Variants in PSME2 observed in about 807,000 individuals in gnomAD.
PSME2 encodes the protein proteasome activator subunit 2.
In PSME2, 20 loss-of-function variants were observed where a neutral mutation model predicts 38.8. That is an observed-to-expected ratio of 0.52 (90% CI 0.36 to 0.75). PSME2 has a LOEUF of 0.75. PSME2 is among the 30% of genes least tolerant of loss of function. The pLI is 0.00. For synonymous variants in PSME2, 82 were observed against 102.5 expected (o/e 0.80, Z 1.21); for missense variants, 227 against 287.6 (o/e 0.79, Z 1.52).
In PSME2 at chr14:24,143,896, A is replaced by G; in HGVS notation, c.552+79T>C. The G allele has an allele frequency of 6.5e-7, 1 of 1,533,432 alleles. No individual in the cohort carries two copies. Among genetic ancestry groups the G allele is most frequent in the Non-Finnish European group, 9.0e-7 (1 of 1,110,914 alleles). 95.0% of individuals were successfully genotyped at this position (1,533,432 alleles called of 1,614,324 possible). A position where few individuals can be genotyped will look rare whatever the true frequency, so the allele number is the denominator to read the frequency against. ...ATATTCTCCACATTGGGAAAGTCAC[A>G]AACAAGACAAGGAGGACTTCTTCCT... On this transcript the variant is annotated intron_variant, in intron 9 of 10. Transcript: ENST00000216802. This position sits in a 1 kb window ranked among gnomAD's most constrained non-coding sequence, Gnocchi z 4.4.
chr14:24,145,950 C>T (rs976980614), intron 2 of PSME2, 178 bp from the exon 3 acceptor site: 6 of 824,628 alleles, frequency 7.3e-6, no homozygotes, highest in Non-Finnish European at 1.2e-5. Flanking sequence ...AAGGTTAGGA[C>T]TGTGATATTC....
Position 24,146,523 on chromosome 14 carries a change from T to G in PSME2, c.48+11A>C, listed in dbSNP as rs1419195004. ...TCTATGACCCCTTCCTGGCCTCCGATTCCCCATTACCTGTTTGCGGGCTTC... is the reference window on the plus strand; with the variant it reads ...TCTATGACCCCTTCCTGGCCTCCGAGTCCCCATTACCTGTTTGCGGGCTTC... On this transcript the variant is annotated intron_variant, in intron 1 of 10. Transcript: ENST00000216802. The G allele has an allele frequency of 6.2e-7, 1 of 1,614,006 alleles. No homozygotes were observed.
At position 24,143,851 on chromosome 14, in the gene PSME2, TAGG is replaced by T; in HGVS notation, c.552+121_552+123del. 3.6e-6 allele frequency: 5 copies of T among 1,370,386 alleles called. No individual in the cohort carries two copies. The highest frequency in any genetic ancestry group is 4.1e-6 in the Non-Finnish European group (4 of 975,518). 84.9% of individuals were successfully genotyped at this position (1,370,386 alleles called of 1,614,324 possible). On this transcript the variant is annotated intron_variant, in intron 9 of 10. Transcript: ENST00000216802. The surrounding 1 kb of genome is among the most constrained non-coding windows in gnomAD (Gnocchi z 4.4). ...TTGTTGAAGCCCAAACCAGTTTTTC[TAGG>T]TAATGCTTTTAGCTTAATATTCTCC...
At position 24,146,583 on chromosome 14, in the gene PSME2, C is replaced by T; in HGVS notation, c.-2G>A. 6.2e-7 allele frequency: 1 copy of T among 1,613,430 alleles called. No individual in the cohort carries two copies. The highest frequency in any genetic ancestry group is 8.5e-7 in the Non-Finnish European group (1 of 1,180,030). ...GCGCACCCCACACGGCTTGGCCATG[C>T]TGCTTCAGTCGCTAGATCTCTGGTC... is the stretch of plus-strand genomic sequence containing the variant. On this transcript the variant is annotated 5_prime_UTR_variant, in exon 1 of 11. Coordinates refer to ENST00000216802, the MANE Select transcript of PSME2 (RefSeq NM_002818.3).
intron 2 of PSME2, 116 bp from the exon 3 acceptor site, chr14:24,145,888 A>G (rs1228353299): frequency 6.1e-6 from 7 of 1,146,066 alleles, no homozygotes; most frequent in Non-Finnish European, 7.8e-6. Context: ...AAATGAGGAA[A>G]CTGAAGACCT....
chr14:24,144,016 G>A lies in PSME2; in HGVS notation c.511C>T (p.Arg171Cys), dbSNP rs150829665. 69 of 1,613,884 alleles carry A rather than the reference G, an allele frequency of 4.3e-5. 1 individual carries two copies. Among genetic ancestry groups the A allele is most frequent in the Non-Finnish European group, 5.3e-5 (62 of 1,179,998 alleles). ...GAGGCCTTGGCCACAGCATCCCCAC[G>A]TTCTGAGAAGTACCTGCCAGAAGCA... ...QTTISKYFSE[R>C]GDAVAKASKE... Residue 171 changes from arginine to cysteine, a missense_variant, in exon 9 of 11, where the codon CGT becomes TGT. Physicochemically the swap from Arg to Cys is radical, Grantham distance 180 (BLOSUM62 -3). This residue lies in a region of PSME2 where 99 missense variants were observed against 113.9 expected (regional missense o/e 0.87). Transcript: ENST00000216802.
At position 24,145,771 on chromosome 14, in the gene PSME2, G is replaced by A. The variant is rs770640408; in HGVS notation, c.83C>T (p.Ala28Val). The stretch of plus-strand genomic sequence containing the variant: ...CAAGAATCTGTAGAGGAATTCCTCA[G>A]CCTGTGGGTTACATTGCAAGGGAGG... Reference protein sequence around the residue: ...EVFRQNLFQEAEEFLYRFLPQ... With the variant: ...EVFRQNLFQEVEEFLYRFLPQ... The change falls in exon 3 of 11, where the codon GCT becomes GTT. Residue 28 changes from alanine (A) to valine (V), a missense_variant and splice_region_variant. This residue lies in a region of PSME2 where 80 missense variants were observed against 77.3 expected (regional missense o/e 1.04). Coordinates refer to ENST00000216802, the MANE Select transcript of PSME2 (RefSeq NM_002818.3). 12 of 1,613,070 alleles carry A rather than the reference G, an allele frequency of 7.4e-6. No homozygotes were observed. Among genetic ancestry groups the A allele is most frequent in the Non-Finnish European group, 3.4e-6 (4 of 1,179,034 alleles).
chr14:24,144,183 T>C lies in PSME2; in HGVS notation c.497+9A>G. Reference sequence around the variant, plus strand: ...CTGCCCCCAATGCTGGTCCTCCAGCTGCCCTCACTTGGAAATGGTTGTCTG... The same window carrying C: ...CTGCCCCCAATGCTGGTCCTCCAGCCGCCCTCACTTGGAAATGGTTGTCTG... On this transcript the variant is annotated intron_variant, in intron 8 of 10. Transcript: ENST00000216802. The C allele has an allele frequency of 6.2e-7, 1 of 1,614,250 alleles. No homozygotes were observed. The highest frequency in any genetic ancestry group is 1.1e-5 in the South Asian group (1 of 91,086).
intron 6 of PSME2, 151 bp downstream of exon 6, chr14:24,144,907 A>T (rs999690837): frequency 5.2e-6 from 4 of 768,782 alleles, no homozygotes; most frequent in African/African-American, 3.5e-5. Context: ...TAACAGAACG[A>T]GGAGAACAAA....
At chr14:24,144,729 C>T (rs936963601) in intron 6 of PSME2, 40 of 573,888 alleles carry the variant, frequency 7.0e-5, no homozygotes, top group Non-Finnish European at 9.6e-5. Context: ...GATAGAATCA[C>T]GATTTGAACC....
rs1221646802 is a variant in PSME2 at position 24,143,973 on chromosome 14, A to G, written c.552+2T>C. ...TAAAAGGCTGGTGGACTATCCACTC[A>G]CTACATGAGTCTCCTTGGAGGCCTT... On this transcript the variant is annotated splice_donor_variant, in intron 9 of 10. Coordinates refer to ENST00000216802, the MANE Select transcript of PSME2 (RefSeq NM_002818.3). LOFTEE classifies it high-confidence loss of function. This position sits in a 1 kb window ranked among gnomAD's most constrained non-coding sequence, Gnocchi z 4.4. The G allele has an allele frequency of 2.5e-6, 4 of 1,613,980 alleles. No homozygotes were observed. Among genetic ancestry groups the G allele is most frequent in the Non-Finnish European group, 3.4e-6 (4 of 1,179,904 alleles).
In PSME2 at chr14:24,144,786, C is replaced by T. The variant is rs913918676; in HGVS notation, c.360+272G>A. 3.2e-5 allele frequency: 18 copies of T among 571,246 alleles called. No homozygotes were observed. The African/African-American group carries it at 3.2e-4, about 10-fold the overall frequency. The allele number at this position is 571,246 out of a possible 1,614,324, so 35.4% of individuals were successfully genotyped here. ...CCAATCTTTTAAAACAATTCACTCA[C>T]TATATCATACCACCTCTACTATGAA... is the stretch of plus-strand genomic sequence containing the variant. On this transcript the variant is annotated intron_variant, in intron 6 of 10. Transcript: ENST00000216802.
chr14:24,145,603 A>T (rs897640169), intron 3 of PSME2, 107 bp downstream of exon 3: 2 of 1,467,772 alleles, frequency 1.4e-6, no homozygotes, highest in African/African-American at 2.8e-5. Flanking sequence ...TTCCTAATCC[A>T]CTATTTGAAA....
intron 6 of PSME2, 112 bp downstream of exon 6, chr14:24,144,946 A>T (rs1317507533): frequency 1.9e-6 from 2 of 1,073,514 alleles, no homozygotes; most frequent in Non-Finnish European, 2.8e-6. Flanking sequence ...CACAGAAGGA[A>T]GTTTTCTTTT....
chr14:24,145,347 A>G, intron 4 of PSME2, 32 bp downstream of exon 4: 4 of 1,611,150 alleles, frequency 2.5e-6, no homozygotes, highest in Non-Finnish European at 3.4e-6. Flanking sequence ...CATTGGGTTT[A>G]TAGTCCAAGT....
chr14:24,145,784 A>G lies in PSME2; in HGVS notation c.82-12T>C. The stretch of plus-strand genomic sequence containing the variant: ...AGGAATTCCTCAGCCTGTGGGTTAC[A>G]TTGCAAGGGAGGGGAATCACAGAAT... On this transcript the variant is annotated splice_polypyrimidine_tract_variant and intron_variant, in intron 2 of 10. Coordinates refer to ENST00000216802, the MANE Select transcript of PSME2 (RefSeq NM_002818.3). The G allele has an allele frequency of 1.2e-6, 2 of 1,610,242 alleles. No individual in the cohort carries two copies. The highest frequency in any genetic ancestry group is 1.7e-6 in the Non-Finnish European group (2 of 1,176,528).
intron 2 of PSME2, chr14:24,145,977 G>T: frequency 1.2e-6 from 1 of 818,622 alleles, no homozygotes; most frequent in Non-Finnish European, 2.0e-6. Context: ...TGGAAGCCAT[G>T]GTTTTTTTCC....
chr14:24,144,381 T>G lies in PSME2; in HGVS notation c.429+19A>C, dbSNP rs756759276. On this transcript the variant is annotated intron_variant, in intron 7 of 10. Coordinates refer to ENST00000216802, the MANE Select transcript of PSME2 (RefSeq NM_002818.3). Reference sequence around the variant, plus strand: ...GAGGCTCTCCCCACTCTAAGTATCTTCAGTTACCCTTTTCTTACCTGGATT... The same window carrying G: ...GAGGCTCTCCCCACTCTAAGTATCTGCAGTTACCCTTTTCTTACCTGGATT... The G allele has an allele frequency of 6.2e-7, 1 of 1,610,584 alleles. No homozygotes were observed. Among genetic ancestry groups the G allele is most frequent in the East Asian group, 2.2e-5 (1 of 44,878 alleles).
In PSME2 at chr14:24,143,596, T is replaced by C; in HGVS notation, c.628A>G (p.Arg210Gly). 1 of 1,613,956 alleles carries C rather than the reference T, an allele frequency of 6.2e-7. No individual in the cohort carries two copies. The highest frequency in any genetic ancestry group is 1.7e-5 in the Admixed American group (1 of 60,008). The change falls in exon 10 of 11, where the codon AGG becomes GGG. Residue 210 changes from arginine to glycine, a missense_variant. Around this residue, in one of 3 missense-constraint regions of PSME2, gnomAD observed 99 missense variants for 113.9 expected, o/e 0.87. Coordinates refer to ENST00000216802, the MANE Select transcript of PSME2 (RefSeq NM_002818.3). The surrounding 1 kb of genome is among the most constrained non-coding windows in gnomAD (Gnocchi z 4.4). Reference sequence around the variant, plus strand: ...TACTCCACACTCACATAGAAGGCCCTCAGGTCCAGCACCATGGCCCTGAGC... The same window carrying C: ...TACTCCACACTCACATAGAAGGCCCCCAGGTCCAGCACCATGGCCCTGAGC... ...GELRAMVLDL[R>G]AFYAELYHII...
Sources: allele counts gnomAD v4.1 joint callset, GRCh38; gene constraint gnomAD v4.1.1; regional missense constraint gnomAD v4.1.1; non-coding constraint Gnocchi (gnomAD v3.1); transcripts MANE v1.5; gene names NCBI Gene and HGNC (gene_info 2026-07-23, HGNC 2026-07-21).